UNC5D: variants seen among roughly 807,000 people sequenced by gnomAD.
UNC5D encodes the protein unc-5 netrin receptor D, also known as netrin receptor UNC5D.
In UNC5D, 39 loss-of-function variants were observed where a neutral mutation model predicts 105.4. The ratio of observed to expected loss-of-function variants is 0.37; its 90% CI spans 0.29 to 0.48. The LOEUF is 0.48. Ranked by LOEUF, UNC5D falls within the 20% of genes least tolerant of loss-of-function variation. The probability of loss-of-function intolerance (pLI) is 0.98; values close to 1 mark genes in which losing one functional copy is unlikely to be tolerated. For synonymous variants in UNC5D, 452 were observed against 450.4 expected, an observed-to-expected ratio of 1.00 and a Z score of -0.04; for missense variants, 991 against 1,202.4, an observed-to-expected ratio of 0.82 and a Z score of 2.60.
rs372686921 is a variant in UNC5D at position 35,754,218 on chromosome 8, C to A, written c.2163+3409C>A. Among the ~76,000 whole-genome samples the A allele has an allele frequency of 3.7e-4, 57 of 152,224 alleles. 1 individual carries two copies. Among genetic ancestry groups the A allele is most frequent in the African/African-American group, 1.3e-3 (55 of 41,538 alleles). ...TATACAGTAATAATATTTTCTGCAA[C>A]CCTAAAAGAACCCTGACTTCTTAAT... On this transcript the variant is annotated intron_variant, in intron 13 of 16. Coordinates refer to ENST00000404895, the MANE Select transcript of UNC5D (RefSeq NM_080872.4).
At chr8:35,773,772 G>C (rs903520797) in intron 15 of UNC5D, among the ~76,000 whole-genome samples, 2 of 152,214 alleles carry the variant, frequency 1.3e-5, no homozygotes, top group Admixed American at 6.5e-5. Flanking sequence ...GCCCAGGCTA[G>C]AGTGCAATGG....
At chr8:35,684,066 A>G (rs766339491) in intron 5 of UNC5D, among the ~76,000 whole-genome samples, 2 of 152,070 alleles carry the variant, frequency 1.3e-5, no homozygotes, top group Non-Finnish European at 2.9e-5. Context: ...CTCAAACCCA[A>G]CACTCACCCC....
intron 1 of UNC5D, among the ~76,000 whole-genome samples, chr8:35,239,460 G>A (rs1434039183): frequency 6.6e-6 from 1 of 150,940 alleles, no homozygotes; most frequent in Admixed American, 6.6e-5. Flanking sequence ...TTGGTTTATT[G>A]GGAGATACTG....
intron 2 of UNC5D, among the ~76,000 whole-genome samples, chr8:35,562,444 C>T (rs531487012): frequency 1.4e-4 from 22 of 152,036 alleles, no homozygotes; most frequent in African/African-American, 3.9e-4. Context: ...AATTTACATC[C>T]CCAAAAATGG....
intron 1 of UNC5D, among the ~76,000 whole-genome samples, chr8:35,302,163 T>A (rs900726479): frequency 6.6e-6 from 1 of 152,190 alleles, no homozygotes; most frequent in African/African-American, 2.4e-5. Flanking sequence ...CCCTTATATT[T>A]GAAATATTTA....
intron 1 of UNC5D, among the ~76,000 whole-genome samples, chr8:35,477,110 ATCT>A (rs1810157232): frequency 6.6e-6 from 1 of 152,026 alleles, no homozygotes; most frequent in Non-Finnish European, 1.5e-5. Context: ...ACTCCTTCTC[ATCT>A]TCTTAGGTAA....
intron 16 of UNC5D, among the ~76,000 whole-genome samples, chr8:35,778,126 G>A (rs779982766): frequency 6.6e-6 from 1 of 152,086 alleles, no homozygotes; most frequent in African/African-American, 2.4e-5. Context: ...TGACAATGTC[G>A]GTATGTCTGA....
chr8:35,327,258 T>G (rs1166415658), intron 1 of UNC5D, among the ~76,000 whole-genome samples: 1 of 152,200 alleles, frequency 6.6e-6, no homozygotes. Context: ...CTTGCAACTA[T>G]GTAAATTATA....
chr8:35,718,375 G>A (rs1227986385), intron 8 of UNC5D, among the ~76,000 whole-genome samples: 1 of 152,210 alleles, frequency 6.6e-6, no homozygotes, highest in African/African-American at 2.4e-5. Flanking sequence ...CACTGTACTT[G>A]AGAGACCGGA....
chr8:35,281,000 C>A (rs957892072), intron 1 of UNC5D, among the ~76,000 whole-genome samples: 1 of 152,160 alleles, frequency 6.6e-6, no homozygotes, highest in Non-Finnish European at 1.5e-5. Context: ...CAGCTTGATG[C>A]CTTTTCCCCG....
chr8:35,760,867 G>A (rs536502301), intron 14 of UNC5D, among the ~76,000 whole-genome samples: 5 of 151,706 alleles, frequency 3.3e-5, no homozygotes, highest in Non-Finnish European at 7.4e-5. Flanking sequence ...CATCATGATG[G>A]TTAAAAAAAT....
At chr8:35,290,712 G>C (rs12542606) in intron 1 of UNC5D, among the ~76,000 whole-genome samples, 67,887 of 151,894 alleles carry the variant, frequency 0.45, 15,583 homozygotes, top group East Asian at 0.7. Context: ...ATTTTGGGAG[G>C]CCAAGGCGGG....
chr8:35,603,312 T>G (rs1358622846), intron 4 of UNC5D, among the ~76,000 whole-genome samples: 1 of 152,182 alleles, frequency 6.6e-6, no homozygotes, highest in Non-Finnish European at 1.5e-5. Context: ...CCAGTAGTCA[T>G]TCAGGAGCAG....
intron 1 of UNC5D, among the ~76,000 whole-genome samples, chr8:35,256,963 T>G (rs1804117885): frequency 9.0e-6 from 1 of 111,258 alleles, no homozygotes; most frequent in Non-Finnish European, 1.9e-5. Context: ...TTTTTTGTTT[T>G]TTTTTTTTTT....
intron 1 of UNC5D, chr8:35,254,287 C>A (rs1160036598): frequency 6.6e-6 from 1 of 152,020 alleles, no homozygotes; most frequent in Non-Finnish European, 1.5e-5. Flanking sequence ...ATTACCTGAC[C>A]ACTCCCATTA....
At chr8:35,241,578 G>T (rs921255829) in intron 1 of UNC5D, among the ~76,000 whole-genome samples, 3 of 151,534 alleles carry the variant, frequency 2.0e-5, no homozygotes, top group African/African-American at 4.8e-5. Context: ...TCTGAATATT[G>T]TTTCTATCAG....
chr8:35,699,666 C>T (rs899914651), intron 7 of UNC5D, among the ~76,000 whole-genome samples: 2 of 152,132 alleles, frequency 1.3e-5, no homozygotes, highest in Non-Finnish European at 2.9e-5. Flanking sequence ...TGAGTACGCT[C>T]AGATTGCATT....
At chr8:35,296,531 T>C (rs572201860) in intron 1 of UNC5D, among the ~76,000 whole-genome samples, 1 of 152,294 alleles carries the variant, frequency 6.6e-6, no homozygotes, top group East Asian at 1.9e-4. Context: ...GCAATTCTTC[T>C]GCCTCTGCCT....
chr8:35,776,551 G>A (rs1249291479), intron 16 of UNC5D, among the ~76,000 whole-genome samples: 4 of 152,122 alleles, frequency 2.6e-5, no homozygotes, highest in Admixed American at 1.3e-4. Flanking sequence ...GCAGTCAGTG[G>A]CTACCCTGGA....
Sources: gnomAD v4.1 joint callset for allele counts (sites outside exome capture counted in the v4.1 genomes callset) on GRCh38, gnomAD v4.1.1 for gene constraint, MANE v1.5 for transcripts, NCBI Gene and HGNC (gene_info 2026-07-23, HGNC 2026-07-21) for gene names.